Variants in NALF1 observed in about 807,000 individuals in gnomAD.
NALF1 encodes the protein NALCN channel auxiliary factor 1.
Under a neutral mutation model 48.4 loss-of-function variants are expected in NALF1, and 3 were observed. The observed-to-expected ratio is 0.06, with a 90% CI of 0.03 to 0.16. The LOEUF (loss-of-function observed/expected upper bound fraction) is 0.16, where lower values mean the gene tolerates loss of function less well. NALF1 is among the 10% of genes least tolerant of loss of function. The pLI is 1.00. For synonymous variants in NALF1, 262 were observed against 245.7 expected (o/e 1.07, Z -0.62); for missense variants, 526 against 571.5 (o/e 0.92, Z 0.81).
intron 1 of NALF1, among the ~76,000 whole-genome samples, chr13:107,677,748 A>G (rs1881167878): frequency 6.6e-6 from 1 of 152,186 alleles, no homozygotes; most frequent in Non-Finnish European, 1.5e-5. Flanking sequence ...TTTTTCAATC[A>G]TATTATTCTG....
intron 2 of NALF1, among the ~76,000 whole-genome samples, chr13:107,201,079 A>G (rs191150861): frequency 6.6e-6 from 1 of 152,200 alleles, no homozygotes; most frequent in East Asian, 1.9e-4. Context: ...TTTTGTCTCC[A>G]GTTCTCAAAA....
intron 1 of NALF1, among the ~76,000 whole-genome samples, chr13:107,460,423 A>G (rs933534969): frequency 6.6e-6 from 1 of 152,246 alleles, no homozygotes; most frequent in Non-Finnish European, 1.5e-5. Flanking sequence ...CTAACAATTG[A>G]CATTCCAGGT....
At chr13:107,287,655 A>G (rs1881521913) in intron 1 of NALF1, among the ~76,000 whole-genome samples, 1 of 151,440 alleles carries the variant, frequency 6.6e-6, no homozygotes, top group African/African-American at 2.4e-5. Context: ...GATCATGACT[A>G]GTATATTTAA....
chr13:107,757,285 G>A (rs990846624), intron 1 of NALF1, among the ~76,000 whole-genome samples: 1 of 152,156 alleles, frequency 6.6e-6, no homozygotes. Flanking sequence ...AATGTTACTG[G>A]GGTGGGACGG....
intron 1 of NALF1, among the ~76,000 whole-genome samples, chr13:107,655,315 T>A (rs12855027): frequency 0.16 from 24,238 of 152,082 alleles, 2,412 homozygotes; most frequent in Middle Eastern, 0.35. Flanking sequence ...AGTTTCAGGA[T>A]ACAAAATTAA....
At chr13:107,417,881 C>G (rs184425397) in intron 1 of NALF1, among the ~76,000 whole-genome samples, 3 of 152,004 alleles carry the variant, frequency 2.0e-5, no homozygotes, top group African/African-American at 7.2e-5. Context: ...GCCAACATGA[C>G]GAAACCCCGT....
chr13:107,626,048 G>C (rs1287133888), intron 1 of NALF1, among the ~76,000 whole-genome samples: 1 of 151,942 alleles, frequency 6.6e-6, no homozygotes, highest in Admixed American at 6.6e-5. Context: ...TTTTTAACTT[G>C]TTAATCTTAT....
At chr13:107,395,273 C>T (rs1883693426) in intron 1 of NALF1, among the ~76,000 whole-genome samples, 1 of 152,088 alleles carries the variant, frequency 6.6e-6, no homozygotes, top group South Asian at 2.1e-4. Context: ...TACACTTATA[C>T]CTTCTGTGGT....
chr13:107,608,979 G>C (rs1198300573), intron 1 of NALF1, among the ~76,000 whole-genome samples: 1 of 152,170 alleles, frequency 6.6e-6, no homozygotes, highest in Admixed American at 6.5e-5. Context: ...TGCCTTCAAG[G>C]AGTTCACAGT....
intron 1 of NALF1, among the ~76,000 whole-genome samples, chr13:107,400,757 T>C (rs1883790891): frequency 6.6e-6 from 1 of 152,142 alleles, no homozygotes. Context: ...TTACCTCATG[T>C]TTAACCTGCA....
At chr13:107,183,214 G>T (rs1879103743) in intron 2 of NALF1, among the ~76,000 whole-genome samples, 1 of 152,226 alleles carries the variant, frequency 6.6e-6, no homozygotes, top group Non-Finnish European at 1.5e-5. Context: ...AACAAGTCCA[G>T]TTGGCTTGCT....
At chr13:107,819,369 C>T (rs1205033529) in intron 1 of NALF1, among the ~76,000 whole-genome samples, 2 of 152,182 alleles carry the variant, frequency 1.3e-5, no homozygotes, top group African/African-American at 4.8e-5. Flanking sequence ...AGTTCTAATT[C>T]GTCAGATTCT....
At chr13:107,494,542 A>C (rs1875261124) in intron 1 of NALF1, among the ~76,000 whole-genome samples, 1 of 152,170 alleles carries the variant, frequency 6.6e-6, no homozygotes, top group African/African-American at 2.4e-5. Flanking sequence ...GTTCACGACC[A>C]TGATTTGTGG....
chr13:107,340,471 CTCTT>C (rs975492064), intron 1 of NALF1, among the ~76,000 whole-genome samples: 920 of 79,342 alleles, frequency 0.012, 21 homozygotes, highest in African/African-American at 0.025. Flanking sequence ...TCTTTCTTCT[CTCTT>C]TCTTTCTTTC....
At chr13:107,785,225 A>G (rs1878038027) in intron 1 of NALF1, among the ~76,000 whole-genome samples, 1 of 151,874 alleles carries the variant, frequency 6.6e-6, no homozygotes, top group South Asian at 2.1e-4. Context: ...TACCCAGTAC[A>G]CTTTCAGAGC....
intron 1 of NALF1, among the ~76,000 whole-genome samples, chr13:107,818,037 T>A (rs1205528660): frequency 6.6e-6 from 1 of 152,186 alleles, no homozygotes; most frequent in African/African-American, 2.4e-5. Context: ...AAAAGGTATA[T>A]CCCTATCCTT....
intron 1 of NALF1, among the ~76,000 whole-genome samples, chr13:107,673,725 T>C (rs1019064500): frequency 7.2e-5 from 11 of 152,094 alleles, no homozygotes; most frequent in Admixed American, 2.6e-4. Context: ...ATGATGGAGA[T>C]GTTAATTGCT....
chr13:107,447,000 G>A (rs542345960), intron 1 of NALF1, among the ~76,000 whole-genome samples: 1 of 152,152 alleles, frequency 6.6e-6, no homozygotes, highest in African/African-American at 2.4e-5. Context: ...TGATAAATTG[G>A]AGACATCAAA....
intron 1 of NALF1, among the ~76,000 whole-genome samples, chr13:107,693,598 T>C (rs1175562466): frequency 6.6e-6 from 1 of 151,182 alleles, no homozygotes; most frequent in Non-Finnish European, 1.5e-5. Flanking sequence ...TAGAAAGGCA[T>C]TTTTCTTTTT....
Sources: allele counts gnomAD v4.1 joint callset (sites outside exome capture counted in the v4.1 genomes callset), GRCh38; gene constraint gnomAD v4.1.1; transcripts MANE v1.5; gene names NCBI Gene and HGNC (gene_info 2026-07-23, HGNC 2026-07-21).